Variants in HIVEP3 observed in about 807,000 individuals in gnomAD.
HIVEP3 encodes transcription factor HIVEP3.
A neutral mutation model predicts 152.8 loss-of-function variants in HIVEP3; 49 were observed. The ratio of observed to expected loss-of-function variants is 0.32; its 90% CI spans 0.26 to 0.41. HIVEP3 has a LOEUF of 0.41. HIVEP3 is among the 10% of genes least tolerant of loss of function. The pLI is 1.00. For missense variants in HIVEP3, 2,790 were observed against 3,103.3 expected (o/e 0.90, Z 2.40); for synonymous variants, 1,269 against 1,289.0 (o/e 0.98, Z 0.33).
At chr1:41,536,355 G>C (rs1258099177) in intron 5 of HIVEP3, among the ~76,000 whole-genome samples, 1 of 152,226 alleles carries the variant, frequency 6.6e-6, no homozygotes. Context: ...CACACCGACA[G>C]AGCGGCTTTG....
chr1:41,563,148 A>G (rs947671043), intron 5 of HIVEP3, among the ~76,000 whole-genome samples: 1 of 152,090 alleles, frequency 6.6e-6, no homozygotes, highest in African/African-American at 2.4e-5. Flanking sequence ...GGAGTTTAAG[A>G]CCAGCCTGGC....
At chr1:41,540,819 C>G (rs1643511886) in intron 5 of HIVEP3, among the ~76,000 whole-genome samples, 1 of 152,108 alleles carries the variant, frequency 6.6e-6, no homozygotes, top group African/African-American at 2.4e-5. Flanking sequence ...GTGAGCTCCC[C>G]AACAGGTCTA....
intron 1 of HIVEP3, among the ~76,000 whole-genome samples, chr1:41,821,668 C>T (rs1642607119): frequency 6.6e-6 from 1 of 152,208 alleles, no homozygotes. Flanking sequence ...GAAAGAAGCC[C>T]TACTTCCCTT....
intron 5 of HIVEP3, among the ~76,000 whole-genome samples, chr1:41,556,131 G>C (rs1643962101): frequency 6.6e-6 from 1 of 152,156 alleles, no homozygotes; most frequent in Admixed American, 6.5e-5. Flanking sequence ...TTCGGTATTG[G>C]TGGTATGTAC....
chr1:41,757,970 C>T (rs1647425260), intron 1 of HIVEP3, among the ~76,000 whole-genome samples: 1 of 152,184 alleles, frequency 6.6e-6, no homozygotes, highest in African/African-American at 2.4e-5. Flanking sequence ...CCTCGGCCTC[C>T]CAAAGTGCTG....
At chr1:41,629,002 A>G (rs1446329310) in intron 2 of HIVEP3, 55 bp from the exon 3 acceptor site, 2 of 1,199,140 alleles carry the variant, frequency 1.7e-6, no homozygotes, top group Non-Finnish European at 2.1e-6. Context: ...CAACTTTTTT[A>G]GACACAGAAC....
At chr1:41,648,455 C>T (rs1253829418) in intron 2 of HIVEP3, among the ~76,000 whole-genome samples, 1 of 152,210 alleles carries the variant, frequency 6.6e-6, no homozygotes, top group Non-Finnish European at 1.5e-5. Context: ...GTGTGCCAGA[C>T]TCCAAAGCCT....
intron 1 of HIVEP3, among the ~76,000 whole-genome samples, chr1:41,972,419 A>T (rs779877378): frequency 1.7e-4 from 26 of 152,230 alleles, no homozygotes; most frequent in Non-Finnish European, 3.7e-4. Context: ...GTTAGAGGCA[A>T]GGCAGTGGGC....
intron 3 of HIVEP3, among the ~76,000 whole-genome samples, chr1:41,607,685 T>G (rs1644840738): frequency 6.6e-6 from 1 of 152,222 alleles, no homozygotes; most frequent in African/African-American, 2.4e-5. Flanking sequence ...AATATATTTA[T>G]GAATGAGGGA....
At chr1:41,685,187 T>C (rs1172773372) in intron 2 of HIVEP3, among the ~76,000 whole-genome samples, 4 of 152,324 alleles carry the variant, frequency 2.6e-5, no homozygotes, top group African/African-American at 9.6e-5. Context: ...TTGCAAACTG[T>C]ACCTTGCTGT....
intron 1 of HIVEP3, among the ~76,000 whole-genome samples, chr1:41,759,241 C>T (rs1214040979): frequency 6.6e-6 from 1 of 151,674 alleles, no homozygotes; most frequent in African/African-American, 2.4e-5. Context: ...TAGATTTGCT[C>T]ATTTTGGGTA....
intron 1 of HIVEP3, among the ~76,000 whole-genome samples, chr1:41,812,708 C>T (rs1651038266): frequency 6.6e-6 from 1 of 151,486 alleles, no homozygotes; most frequent in Admixed American, 6.6e-5. Context: ...GCTGCTCACC[C>T]CAGAGAAGAC....
chr1:41,636,465 C>T (rs1257058717), intron 2 of HIVEP3, among the ~76,000 whole-genome samples: 1 of 152,068 alleles, frequency 6.6e-6, no homozygotes, highest in African/African-American at 2.4e-5. Flanking sequence ...ATAAATCTAA[C>T]TACATAAAAA....
chr1:41,524,650 TG>T, intron 6 of HIVEP3, 84 bp downstream of exon 6: 1 of 1,289,044 alleles, frequency 7.8e-7, no homozygotes, highest in Non-Finnish European at 1.1e-6. Context: ...CAAAGAGGTC[TG>T]GGCACCTGAA....
intron 1 of HIVEP3, among the ~76,000 whole-genome samples, chr1:41,870,801 C>T (rs1644065728): frequency 6.6e-6 from 1 of 152,202 alleles, no homozygotes; most frequent in African/African-American, 2.4e-5. Flanking sequence ...AGGGTCATCG[C>T]TGAGGGGAGT....
At chr1:41,956,104 A>G (rs1482323723) in intron 1 of HIVEP3, among the ~76,000 whole-genome samples, 5 of 152,214 alleles carry the variant, frequency 3.3e-5, no homozygotes, top group Non-Finnish European at 7.3e-5. Context: ...CAAGTGTCTA[A>G]TGTCAACTAC....
At chr1:41,674,107 A>G (rs1422202211) in intron 2 of HIVEP3, among the ~76,000 whole-genome samples, 1 of 152,224 alleles carries the variant, frequency 6.6e-6, no homozygotes, top group African/African-American at 2.4e-5. Flanking sequence ...AGCCAGAAGC[A>G]GGTTTGTCAG....
intron 1 of HIVEP3, among the ~76,000 whole-genome samples, chr1:41,813,151 GC>G (rs1261269051): frequency 3.3e-5 from 5 of 152,142 alleles, no homozygotes; most frequent in Non-Finnish European, 7.3e-5. Flanking sequence ...CGATTCTTCT[GC>G]CTCAGCCTCC....
At position 41,664,354 on chromosome 1, in the gene HIVEP3, T is replaced by C. The variant is rs1488596372; in HGVS notation, c.-720-35407A>G. Among the ~76,000 whole-genome samples, 2 of 152,210 alleles carry C rather than the reference T, an allele frequency of 1.3e-5. No homozygotes were observed. The highest frequency in any genetic ancestry group is 2.9e-5 in the Non-Finnish European group (2 of 68,040). ...TATCATTCACACACACAGGCTCAGA[T>C]GACAGCCTTGCTCCTGCCCCAAGTT... is the stretch of plus-strand genomic sequence containing the variant. On this transcript the variant is annotated intron_variant, in intron 2 of 8. Coordinates refer to ENST00000372583, the MANE Select transcript of HIVEP3 (RefSeq NM_024503.5). This position sits in a 1 kb window ranked among gnomAD's most constrained non-coding sequence, Gnocchi z 4.4.
Sources: allele counts gnomAD v4.1 joint callset (sites outside exome capture counted in the v4.1 genomes callset), GRCh38; gene constraint gnomAD v4.1.1; non-coding constraint Gnocchi (gnomAD v3.1); transcripts MANE v1.5; gene names NCBI Gene and HGNC (gene_info 2026-07-23, HGNC 2026-07-21).